ABL2: variants seen among roughly 807,000 people sequenced by gnomAD.
The protein encoded by ABL2 is tyrosine-protein kinase ABL2.
In ABL2, 49 loss-of-function variants were observed where a neutral mutation model predicts 107.7. The observed-to-expected ratio is 0.45, with a 90% CI of 0.36 to 0.58. The LOEUF (loss-of-function observed/expected upper bound fraction) is 0.58. Ranked by LOEUF, ABL2 falls within the 20% of genes least tolerant of loss-of-function variation. The pLI, the probability that ABL2 is intolerant of heterozygous loss-of-function variation, is 0.00. For synonymous variants in ABL2, 549 were observed against 548.6 expected (o/e 1.00, Z -0.01); for missense variants, 1,245 against 1,457.0 (o/e 0.85, Z 2.37).
At chr1:179,137,128 G>A (rs1472801503) in intron 1 of ABL2, among the ~76,000 whole-genome samples, 1 of 152,070 alleles carries the variant, frequency 6.6e-6, no homozygotes, top group Non-Finnish European at 1.5e-5. Context: ...AAGTAGTTAT[G>A]TTGTTCCTTA....
chr1:179,200,916 AAAC>A (rs1436976231), intron 1 of ABL2, among the ~76,000 whole-genome samples: 1 of 152,226 alleles, frequency 6.6e-6, no homozygotes, highest in Non-Finnish European at 1.5e-5. Flanking sequence ...CAATGAATTA[AAAC>A]AACATGTGTA....
chr1:179,190,620 G>A (rs1205266854), intron 1 of ABL2, among the ~76,000 whole-genome samples: 2 of 152,000 alleles, frequency 1.3e-5, no homozygotes, highest in Non-Finnish European at 2.9e-5. Flanking sequence ...GATGGAGGGG[G>A]GTGAGGGGGT....
Position 179,112,816 on chromosome 1 carries a change from G to A in ABL2, c.1562-418C>T, listed in dbSNP as rs537175962. Among the ~76,000 whole-genome samples, 7 of 151,372 alleles carry A rather than the reference G, an allele frequency of 4.6e-5. No homozygotes were observed. In the South Asian group the frequency reaches 6.3e-4, roughly 14 times the overall value. On this transcript the variant is annotated intron_variant, in intron 9 of 11. Coordinates refer to ENST00000502732, the MANE Select transcript of ABL2 (RefSeq NM_007314.4). ...GTCACCCAGGCTGGAGTGCAGTGGC[G>A]CGATCTCGGTTCACTGCAACCTCTG...
intron 6 of ABL2, 60 bp downstream of exon 6, chr1:179,120,130 C>A (rs1572634255): frequency 9.5e-7 from 1 of 1,055,738 alleles, no homozygotes; most frequent in South Asian, 1.6e-5. Flanking sequence ...TTGGAGATAA[C>A]AAGGGGTTAA....
intron 1 of ABL2, among the ~76,000 whole-genome samples, chr1:179,150,182 G>A (rs1658278606): frequency 6.6e-6 from 1 of 152,136 alleles, no homozygotes; most frequent in Non-Finnish European, 1.5e-5. Context: ...ACTGCAGTGA[G>A]CCATGGTACA....
Position 179,147,181 on chromosome 1 carries a change from C to CAAAAAAAAAAAAAAAAAAAAA in ABL2, c.158-13828_158-13808dup, listed in dbSNP as rs58297805. On this transcript the variant is annotated intron_variant, in intron 1 of 11. Coordinates refer to ENST00000502732, the MANE Select transcript of ABL2 (RefSeq NM_007314.4). ...CCAATCACTAATCATCAGAGAAATG[C>CAAAAAAAAAAAAAAAAAAAAA]AAAAAAAAAAAAAAAAAAAAAAAAA... Among the ~76,000 whole-genome samples, 57 of 50,536 alleles carry CAAAAAAAAAAAAAAAAAAAAA rather than the reference C, an allele frequency of 1.1e-3. 14 individuals carry two copies. The highest frequency in any genetic ancestry group is 2.9e-3 in the African/African-American group (39 of 13,244). The allele number at this position is 50,536 out of a possible 152,430, so 33.2% of individuals were successfully genotyped here. A position where few individuals can be genotyped will look rare whatever the true frequency, so the allele number is the denominator to read the frequency against.
intron 1 of ABL2, among the ~76,000 whole-genome samples, chr1:179,158,069 A>G (rs1442761833): frequency 1.3e-5 from 2 of 152,224 alleles, no homozygotes; most frequent in African/African-American, 2.4e-5. Context: ...TTCACAAATA[A>G]AAGGAGACCA....
chr1:179,194,200 A>AT lies in ABL2; in HGVS notation c.157+35040dup, dbSNP rs1009944032. On this transcript the variant is annotated intron_variant, in intron 1 of 11. Transcript: ENST00000502732. ...TGAAGGTCCTACAAGGTAGAAACAC[A>AT]TTTTTTTTGACAAATACCATTTCCA... 5.9e-5 allele frequency among the ~76,000 whole-genome samples: 9 copies of AT among 152,190 alleles called. No homozygotes were observed. In the South Asian group the frequency reaches 6.2e-4, roughly 11 times the overall value.
In ABL2 at chr1:179,101,185, G is replaced by C. The variant is rs886829013; in HGVS notation, c.*6533C>G. On this transcript the variant is annotated 3_prime_UTR_variant, in exon 12 of 12. Coordinates refer to ENST00000502732, the MANE Select transcript of ABL2 (RefSeq NM_007314.4). ...TCTGAGACTCATGAAACCCATCTTT[G>C]AAGGCACAAATCTCCAAGGGTGGCC... The C allele has an allele frequency of 5.7e-5, 13 of 227,524 alleles. No homozygotes were observed. The highest frequency in any genetic ancestry group is 9.6e-5 in the Non-Finnish European group (11 of 114,662). The allele number at this position is 227,524 out of a possible 1,614,324, so 14.1% of individuals were successfully genotyped here.
intron 1 of ABL2, among the ~76,000 whole-genome samples, chr1:179,139,269 G>A (rs1163140082): frequency 4.0e-5 from 6 of 151,892 alleles, no homozygotes; most frequent in Non-Finnish European, 5.9e-5. Context: ...GCAAGACCAC[G>A]AGCCCACCGG....
At chr1:179,137,662 A>AT (rs1389463546) in intron 1 of ABL2, 1 of 152,182 alleles carries the variant, frequency 6.6e-6, no homozygotes, top group Middle Eastern at 3.2e-3. Context: ...AAAACCAGCA[A>AT]ATGTCATATA....
At chr1:179,208,579 T>G (rs966938120) in intron 1 of ABL2, among the ~76,000 whole-genome samples, 6 of 152,172 alleles carry the variant, frequency 3.9e-5, no homozygotes, top group African/African-American at 1.4e-4. Context: ...GAGGGATATC[T>G]CCCCTCAGAT....
chr1:179,216,845 G>A (rs372497154), intron 1 of ABL2, among the ~76,000 whole-genome samples: 68 of 151,548 alleles, frequency 4.5e-4, no homozygotes, highest in African/African-American at 1.5e-3. Flanking sequence ...CACCATGCCC[G>A]GCTAATTTTT....
intron 1 of ABL2, among the ~76,000 whole-genome samples, chr1:179,150,813 T>G (rs907935789): frequency 6.6e-6 from 1 of 151,444 alleles, no homozygotes; most frequent in African/African-American, 2.4e-5. Context: ...GTCAACGGAT[T>G]TGGTAAACTT....
chr1:179,172,048 A>G (rs1272256066), intron 1 of ABL2, among the ~76,000 whole-genome samples: 3 of 152,266 alleles, frequency 2.0e-5, no homozygotes, highest in Non-Finnish European at 4.4e-5. Context: ...TACTGAAGGT[A>G]GTCACAGAGC....
intron 1 of ABL2, among the ~76,000 whole-genome samples, chr1:179,203,858 C>CCTT (rs28991602): frequency 1.3e-4 from 20 of 152,214 alleles, no homozygotes; most frequent in Admixed American, 1.2e-3. Flanking sequence ...GCTCTTTGAC[C>CCTT]CTTCTCTTTA....
chr1:179,195,807 C>T (rs904069698), intron 1 of ABL2, among the ~76,000 whole-genome samples: 3 of 152,144 alleles, frequency 2.0e-5, no homozygotes, highest in African/African-American at 7.2e-5. Context: ...TATATGATTC[C>T]ATTTATATGA....
intron 1 of ABL2, among the ~76,000 whole-genome samples, chr1:179,199,600 TTTAA>T (rs1366803774): frequency 6.6e-6 from 1 of 152,200 alleles, no homozygotes; most frequent in Non-Finnish European, 1.5e-5. Context: ...CAGTATCTAA[TTTAA>T]TTCTCAAACC....
chr1:179,129,709 T>C (rs1214588325), intron 3 of ABL2, among the ~76,000 whole-genome samples: 1 of 151,508 alleles, frequency 6.6e-6, no homozygotes, highest in Non-Finnish European at 1.5e-5. Context: ...AATTCTTTGA[T>C]GTCTTTTGTT....
Sources: allele counts gnomAD v4.1 joint callset (sites outside exome capture counted in the v4.1 genomes callset), GRCh38; gene constraint gnomAD v4.1.1; transcripts MANE v1.5; gene names NCBI Gene and HGNC (gene_info 2026-07-23, HGNC 2026-07-21).